The following STARD13 variants were observed in gnomAD, a reference collection of about 807,000 sequenced individuals.
The protein encoded by STARD13 is stAR-related lipid transfer protein 13.
A neutral mutation model predicts 106.4 loss-of-function variants in STARD13; 62 were observed. The observed-to-expected ratio is 0.58, with a 90% CI of 0.48 to 0.72. The LOEUF is 0.72. STARD13 is among the 30% of genes least tolerant of loss of function. The probability of loss-of-function intolerance (pLI) is 0.00; values close to 1 mark genes in which losing one functional copy is unlikely to be tolerated. For synonymous variants in STARD13, 565 were observed against 553.0 expected (o/e 1.02, Z -0.31); for missense variants, 1,387 against 1,424.0 (o/e 0.97, Z 0.42).
intron 1 of STARD13, among the ~76,000 whole-genome samples, chr13:33,171,112 CTT>C (rs1392690971): frequency 6.6e-6 from 1 of 152,156 alleles, no homozygotes; most frequent in Non-Finnish European, 1.5e-5. Flanking sequence ...GTGAAAAACT[CTT>C]TTTTATTGTT....
intron 1 of STARD13, among the ~76,000 whole-genome samples, chr13:33,242,791 T>C (rs887546711): frequency 2.3e-4 from 35 of 152,298 alleles, no homozygotes; most frequent in African/African-American, 8.2e-4. Context: ...ATGGAGTTAA[T>C]AGTTTTATGG....
upstream of STARD13, among the ~76,000 whole-genome samples, chr13:33,353,533 G>T (rs2138631671): frequency 6.6e-6 from 1 of 152,228 alleles, no homozygotes; most frequent in Admixed American, 6.5e-5. Flanking sequence ...AAGTATATGT[G>T]GTTAAGAGTG....
At chr13:33,246,918 T>G (rs1889848660) in intron 1 of STARD13, among the ~76,000 whole-genome samples, 1 of 152,156 alleles carries the variant, frequency 6.6e-6, no homozygotes, top group Admixed American at 6.5e-5. Flanking sequence ...ATGGCTGGGC[T>G]GGGTGTGGTG....
chr13:33,196,213 C>T (rs1023050056), intron 1 of STARD13, among the ~76,000 whole-genome samples: 10 of 152,128 alleles, frequency 6.6e-5, no homozygotes, highest in African/African-American at 1.2e-4. Context: ...GGCGAAACCC[C>T]GACTCTACTA....
At chr13:33,431,836 C>T in the STARD13 span, among the ~76,000 whole-genome samples, 1 of 152,106 alleles carries the variant, frequency 6.6e-6, no homozygotes, top group Non-Finnish European at 1.5e-5. Flanking sequence ...ATACCAAGAA[C>T]ATAAGTTGTT....
the STARD13 span, among the ~76,000 whole-genome samples, chr13:33,532,975 AC>A: frequency 6.6e-6 from 1 of 152,234 alleles, no homozygotes; most frequent in Non-Finnish European, 1.5e-5. Flanking sequence ...TGGGACCCCA[AC>A]AGAAAGAACC....
At chr13:33,134,934 A>G (rs555262416) in intron 4 of STARD13, among the ~76,000 whole-genome samples, 60 of 152,254 alleles carry the variant, frequency 3.9e-4, no homozygotes, top group Non-Finnish European at 6.0e-4. Flanking sequence ...TGACTTAACC[A>G]TGTAATATGG....
At chr13:33,616,069 A>T in the STARD13 span, among the ~76,000 whole-genome samples, 56 of 152,158 alleles carry the variant, frequency 3.7e-4, 1 homozygote, top group African/African-American at 1.4e-3. Context: ...CAGGCAAAGC[A>T]TATTAAAGAC....
the STARD13 span, among the ~76,000 whole-genome samples, chr13:33,621,140 G>A: frequency 6.6e-6 from 1 of 151,864 alleles, no homozygotes. Context: ...AACTGAAGTA[G>A]AAAATGTGTA....
the STARD13 span, among the ~76,000 whole-genome samples, chr13:33,519,208 T>TTTTCTTTC: frequency 0.045 from 4,562 of 100,858 alleles, 113 homozygotes; most frequent in East Asian, 0.067. Flanking sequence ...CTTGGTAATT[T>TTTTCTTTC]TTTCTTTCTT....
chr13:33,594,264 T>C, the STARD13 span, among the ~76,000 whole-genome samples: 1 of 152,148 alleles, frequency 6.6e-6, no homozygotes, highest in African/African-American at 2.4e-5. Context: ...CATCTGAAAC[T>C]TGCTGAAATA....
chr13:33,271,893 A>G (rs2138361523), intron 1 of STARD13, among the ~76,000 whole-genome samples: 1 of 152,260 alleles, frequency 6.6e-6, no homozygotes, highest in African/African-American at 2.4e-5. Context: ...TGAAGATGAC[A>G]GGGTTGCACA....
chr13:33,608,979 G>C, the STARD13 span, among the ~76,000 whole-genome samples: 1 of 150,804 alleles, frequency 6.6e-6, no homozygotes, highest in African/African-American at 2.4e-5. Flanking sequence ...CCAGCTACTC[G>C]GGAGGCTGAG....
At chr13:33,223,408 CAG>C (rs964370067) in intron 1 of STARD13, among the ~76,000 whole-genome samples, 17 of 152,108 alleles carry the variant, frequency 1.1e-4, no homozygotes, top group Non-Finnish European at 2.2e-4. Flanking sequence ...CCTGTAATCC[CAG>C]CACTTTGGGA....
chr13:33,379,198 A>C, the STARD13 span, among the ~76,000 whole-genome samples: 4 of 152,204 alleles, frequency 2.6e-5, no homozygotes. Flanking sequence ...AATGGACTAT[A>C]AAACTGGATC....
the STARD13 span, among the ~76,000 whole-genome samples, chr13:33,536,569 G>A: frequency 2.6e-5 from 4 of 152,154 alleles, no homozygotes; most frequent in Admixed American, 6.5e-5. Context: ...CATTAGGGAT[G>A]TATATGAGAG....
chr13:33,477,963 G>GT, the STARD13 span, among the ~76,000 whole-genome samples: 1 of 150,906 alleles, frequency 6.6e-6, no homozygotes, highest in Non-Finnish European at 1.5e-5. Flanking sequence ...CATCCAGACG[G>GT]TAAGACTTCA....
the STARD13 span, among the ~76,000 whole-genome samples, chr13:33,594,314 C>G: frequency 2.3e-4 from 35 of 152,080 alleles, no homozygotes; most frequent in African/African-American, 8.2e-4. Flanking sequence ...CAACTAAATG[C>G]CATCAGAGGT....
rs1433823586 is a variant in STARD13, at chr13:33,103,277, A to C, written c.*2316T>G. 6.5e-6 allele frequency: 1 copy of C among 152,696 alleles called. No individual in the cohort carries two copies. 9.5% of individuals were successfully genotyped at this position (152,696 alleles called of 1,614,324 possible). A position where few individuals can be genotyped will look rare whatever the true frequency, so the allele number is the denominator to read the frequency against. The stretch of plus-strand genomic sequence containing the variant: ...ATATAATATTTAAATGCAATATCAT[A>C]CTTTATTTCCATTGGCAAGATAACA... On this transcript the variant is annotated 3_prime_UTR_variant, in exon 14 of 14. Transcript: ENST00000336934.
Sources: gnomAD v4.1 joint callset for allele counts (sites outside exome capture counted in the v4.1 genomes callset) on GRCh38, gnomAD v4.1.1 for gene constraint, MANE v1.5 for transcripts, NCBI Gene and HGNC (gene_info 2026-07-23, HGNC 2026-07-21) for gene names.